Variants in OTULINL observed in about 807,000 individuals in gnomAD.
OTULINL encodes the protein OTU deubiquitinase with linear linkage specificity like.
In OTULINL, 42 loss-of-function variants were observed where a neutral mutation model predicts 43.9. The observed-to-expected ratio is 0.96, with a 90% CI of 0.75 to 1.24. OTULINL has a LOEUF of 1.24. Among genes scored for constraint, OTULINL ranks in the 50% most tolerant of loss-of-function variants. OTULINL has a pLI of 0.00. For missense variants in OTULINL, 411 were observed against 426.4 expected, an observed-to-expected ratio of 0.96 and a Z score of 0.32; for synonymous variants, 172 against 153.6, an observed-to-expected ratio of 1.12 and a Z score of -0.88.
rs1222992149 is a variant in OTULINL at position 14,614,323 on chromosome 5, G to T, written c.*4009G>T. Among the ~76,000 whole-genome samples the T allele has an allele frequency of 6.6e-6, 1 of 152,012 alleles. No homozygotes were observed. Among genetic ancestry groups the T allele is most frequent in the African/African-American group, 2.4e-5 (1 of 41,376 alleles). ...ATATATGGGTATACTTTTCTCTATA[G>T]CCATTCACTTTTTTAAAGTTTTAAT... On this transcript the variant is annotated 3_prime_UTR_variant, in exon 8 of 8. Coordinates refer to ENST00000274217, the MANE Select transcript of OTULINL (RefSeq NM_019018.3).
chr5:14,608,609 G>A lies in OTULINL; in HGVS notation c.628-139G>A, dbSNP rs528696701. 1.4e-4 allele frequency: 95 copies of A among 702,394 alleles called. 1 individual carries two copies. The South Asian group carries it at 1.4e-3, about 10-fold the overall frequency. 43.5% of individuals were successfully genotyped at this position (702,394 alleles called of 1,614,324 possible). On this transcript the variant is annotated intron_variant, in intron 6 of 7. Coordinates refer to ENST00000274217, the MANE Select transcript of OTULINL (RefSeq NM_019018.3). Reference sequence around the variant, plus strand: ...TGGTTAAAAAAAATCAAACAGTGCCGAAAGATAGAAAGTGAAGAGTTAAAG... The same window carrying A: ...TGGTTAAAAAAAATCAAACAGTGCCAAAAGATAGAAAGTGAAGAGTTAAAG...
intron 5 of OTULINL, among the ~76,000 whole-genome samples, chr5:14,603,176 A>G (rs1759418136): frequency 6.6e-6 from 1 of 152,118 alleles, no homozygotes; most frequent in Admixed American, 6.6e-5. Flanking sequence ...TTTATTGTTG[A>G]GTGGTATTCC....
At chr5:14,582,397 A>G (rs889651796) in intron 1 of OTULINL, among the ~76,000 whole-genome samples, 30 of 151,968 alleles carry the variant, frequency 2.0e-4, no homozygotes, top group African/African-American at 4.8e-5. Context: ...CGACTCGCTG[A>G]CGGAGGGAGT....
At chr5:14,608,004 G>A (rs1341087311) in intron 6 of OTULINL, among the ~76,000 whole-genome samples, 3 of 152,110 alleles carry the variant, frequency 2.0e-5, no homozygotes, top group African/African-American at 4.8e-5. Context: ...ATTATTGTGA[G>A]GATTCAATGA....
At chr5:14,605,696 C>G (rs1759462856) in intron 5 of OTULINL, among the ~76,000 whole-genome samples, 2 of 152,290 alleles carry the variant, frequency 1.3e-5, no homozygotes, top group Middle Eastern at 3.4e-3. Flanking sequence ...TCTAAATCAT[C>G]TCTCTCAAGT....
At chr5:14,593,094 A>G (rs1759232430) in intron 1 of OTULINL, among the ~76,000 whole-genome samples, 1 of 152,182 alleles carries the variant, frequency 6.6e-6, no homozygotes, top group Non-Finnish European at 1.5e-5. Context: ...AGTCGGTTGC[A>G]TTTATAATTG....
intron 5 of OTULINL, among the ~76,000 whole-genome samples, chr5:14,606,418 G>C (rs549558032): frequency 6.6e-6 from 1 of 152,218 alleles, no homozygotes; most frequent in Non-Finnish European, 1.5e-5. Context: ...CTTTAAAAAA[G>C]AAAACAAAAC....
At chr5:14,603,507 T>TTG (rs1759423852) in intron 5 of OTULINL, among the ~76,000 whole-genome samples, 1 of 152,242 alleles carries the variant, frequency 6.6e-6, no homozygotes, top group Admixed American at 6.5e-5. Flanking sequence ...TGTCAGGTTT[T>TTG]TGTTTTTAGC....
At position 14,581,973 on chromosome 5, in the gene OTULINL, G is replaced by T; in HGVS notation, c.64+15G>T. 1 of 1,265,954 alleles carries T rather than the reference G, an allele frequency of 7.9e-7. No homozygotes were observed. Among genetic ancestry groups the T allele is most frequent in the Non-Finnish European group, 9.9e-7 (1 of 1,006,798 alleles). 78.4% of individuals were successfully genotyped at this position (1,265,954 alleles called of 1,614,324 possible). A position where few individuals can be genotyped will look rare whatever the true frequency, so the allele number is the denominator to read the frequency against. On this transcript the variant is annotated intron_variant, in intron 1 of 7. Transcript: ENST00000274217. ...TCCCGCCGCAGGTGAGCCTGGGGCC[G>T]GGCGGGGCGGGGCGGGGGGCGCGAG...
In OTULINL at chr5:14,581,811, G is replaced by C. The variant is rs999223456; in HGVS notation, c.-84G>C. The C allele has an allele frequency of 1.3e-5, 15 of 1,132,024 alleles. No homozygotes were observed. The highest frequency in any genetic ancestry group is 1.6e-5 in the Non-Finnish European group (14 of 885,414). The allele number at this position is 1,132,024 out of a possible 1,614,324, so 70.1% of individuals were successfully genotyped here. On this transcript the variant is annotated 5_prime_UTR_variant, in exon 1 of 8. Transcript: ENST00000274217. ...CAGCCCGCCTCAGGGAAGCGAGCCC[G>C]GGCGCCGGCGGGCGGCCGTCGCGTC...
At position 14,608,951 on chromosome 5, in the gene OTULINL, C is replaced by T. The variant is rs759619969; in HGVS notation, c.831C>T (p.Ser277=). The change falls in exon 7 of 8, where the codon TCC becomes TCT. Residue 277 remains serine (S), a synonymous_variant. Transcript: ENST00000274217. ...LFRLLFSRET[S]SDPLSFMMNH... ...GACTCCTGTTTTCCAGGGAGACATC[C>T]TCTGATCCTTTGAGCTTCATGATGA... 3.1e-6 allele frequency: 5 copies of T among 1,614,006 alleles called. No homozygotes were observed. The highest frequency in any genetic ancestry group is 1.3e-5 in the African/African-American group (1 of 74,908).
Position 14,607,588 on chromosome 5 carries a change from A to C in OTULINL, c.627+130A>C. The C allele has an allele frequency of 2.7e-6, 3 of 1,103,950 alleles. No homozygotes were observed. The South Asian group carries it at 4.7e-5, about 17-fold the overall frequency. 68.4% of individuals were successfully genotyped at this position (1,103,950 alleles called of 1,614,324 possible). A position where few individuals can be genotyped will look rare whatever the true frequency, so the allele number is the denominator to read the frequency against. ...AAGAAGTGCAAGCAGAAATGCTTCT[A>C]GTAACTGATGATTTCCCTCCTTATT... On this transcript the variant is annotated intron_variant, in intron 6 of 7. Coordinates refer to ENST00000274217, the MANE Select transcript of OTULINL (RefSeq NM_019018.3).
In OTULINL at chr5:14,614,461, AT is replaced by A. The variant is rs1259152879; in HGVS notation, c.*4148del. 4 of 397,036 alleles carry A rather than the reference AT, an allele frequency of 1.0e-5. No individual in the cohort carries two copies. Among genetic ancestry groups the A allele is most frequent in the African/African-American group, 2.1e-5 (1 of 48,616 alleles). The allele number at this position is 397,036 out of a possible 1,614,324, so 24.6% of individuals were successfully genotyped here. A position where few individuals can be genotyped will look rare whatever the true frequency, so the allele number is the denominator to read the frequency against. On this transcript the variant is annotated 3_prime_UTR_variant, in exon 8 of 8. Transcript: ENST00000274217. ...GGGTCCAAATTGTTCAATCACTTCT[AT>A]GTTATTTGTTCAGAATAGTGGATCT...
At position 14,612,299 on chromosome 5, in the gene OTULINL, A is replaced by G. The variant is rs578031333; in HGVS notation, c.*1985A>G. 2 of 152,250 alleles carry G rather than the reference A, an allele frequency of 1.3e-5. No homozygotes were observed. The highest frequency in any genetic ancestry group is 2.1e-4 in the South Asian group (1 of 4,834). The allele number at this position is 152,250 out of a possible 1,614,324, so 9.4% of individuals were successfully genotyped here. A position where few individuals can be genotyped will look rare whatever the true frequency, so the allele number is the denominator to read the frequency against. On this transcript the variant is annotated 3_prime_UTR_variant, in exon 8 of 8. Transcript: ENST00000274217. ...CCAGAAGTGTACCTGACATTTGTGT[A>G]TTACCACTCACCTTGGATCTCCTTA... is the stretch of plus-strand genomic sequence containing the variant.
intron 1 of OTULINL, among the ~76,000 whole-genome samples, chr5:14,596,461 G>GT (rs368552202): frequency 3.9e-5 from 6 of 152,154 alleles, no homozygotes; most frequent in African/African-American, 1.4e-4. Flanking sequence ...TTATGACACT[G>GT]TTTTGCAAGA....
At chr5:14,595,885 C>T (rs1370786426) in intron 1 of OTULINL, among the ~76,000 whole-genome samples, 1 of 151,998 alleles carries the variant, frequency 6.6e-6, no homozygotes, top group Non-Finnish European at 1.5e-5. Context: ...CTAGGTAATA[C>T]ACTTTGCAAT....
rs1560956427 is a variant in OTULINL, at chr5:14,581,838, GA to G, written c.-56del. On this transcript the variant is annotated 5_prime_UTR_variant, in exon 1 of 8. Transcript: ENST00000274217. ...GCGCCGGCGGGCGGCCGTCGCGTCT[GA>G]CAGACCACTGCAGACCACGGGCCGA... The G allele has an allele frequency of 3.3e-5, 44 of 1,317,362 alleles. No individual in the cohort carries two copies. Among genetic ancestry groups the G allele is most frequent in the Non-Finnish European group, 4.3e-5 (44 of 1,033,180 alleles). The allele number at this position is 1,317,362 out of a possible 1,614,324, so 81.6% of individuals were successfully genotyped here.
At chr5:14,590,781 GATGCTACTATAGGTA>G (rs1290956885) in intron 1 of OTULINL, among the ~76,000 whole-genome samples, 2 of 152,178 alleles carry the variant, frequency 1.3e-5, no homozygotes, top group Non-Finnish European at 2.9e-5. Flanking sequence ...CTCTGGCTAG[GATGCTACTATAGGTA>G]ATGACCATTT....
intron 7 of OTULINL, among the ~76,000 whole-genome samples, chr5:14,609,670 G>A (rs1188906089): frequency 2.7e-5 from 4 of 145,984 alleles, no homozygotes; most frequent in African/African-American, 5.1e-5. Flanking sequence ...TCGTTCTGTC[G>A]CCCAGGCGGG....
Sources: allele counts gnomAD v4.1 joint callset (sites outside exome capture counted in the v4.1 genomes callset), GRCh38; gene constraint gnomAD v4.1.1; transcripts MANE v1.5; gene names NCBI Gene and HGNC (gene_info 2026-07-23, HGNC 2026-07-21).